KCNB2: variants seen among roughly 807,000 people sequenced by gnomAD.
The protein encoded by KCNB2 is delayed rectifier potassium channel protein.
In KCNB2, 15 loss-of-function variants were observed where a neutral mutation model predicts 61.5. The ratio of observed to expected loss-of-function variants is 0.24; its 90% CI spans 0.16 to 0.38. KCNB2 has a LOEUF of 0.38. Ranked by LOEUF, KCNB2 falls within the 10% of genes least tolerant of loss-of-function variation. KCNB2 has a pLI of 1.00. For missense variants in KCNB2, 828 were observed against 1,125.2 expected (o/e 0.74, Z 3.78); for synonymous variants, 457 against 446.0 (o/e 1.02, Z -0.31).
At chr8:72,926,820 T>C (rs982303500) in intron 2 of KCNB2, among the ~76,000 whole-genome samples, 4 of 152,288 alleles carry the variant, frequency 2.6e-5, no homozygotes, top group African/African-American at 9.6e-5. Flanking sequence ...TGCCATGGCA[T>C]TAAAAATGTA....
intron 2 of KCNB2, among the ~76,000 whole-genome samples, chr8:72,706,645 A>G (rs760576378): frequency 2.6e-5 from 4 of 152,228 alleles, no homozygotes; most frequent in African/African-American, 4.8e-5. Flanking sequence ...TGAACACTCC[A>G]TGAGTTAGGA....
intron 2 of KCNB2, among the ~76,000 whole-genome samples, chr8:72,761,383 A>G (rs1563582826): frequency 6.6e-6 from 1 of 152,206 alleles, no homozygotes; most frequent in Non-Finnish European, 1.5e-5. Context: ...AGCTTGAAAC[A>G]CATGCATTCA....
intron 2 of KCNB2, among the ~76,000 whole-genome samples, chr8:72,702,504 A>G (rs1264675043): frequency 6.6e-6 from 1 of 152,180 alleles, no homozygotes. Context: ...AAAATAGGAC[A>G]TGAAGTCAAT....
In KCNB2 at chr8:72,548,628, C is replaced by G. The variant is rs557434986; in HGVS notation, c.-94+10743C>G. 2.6e-5 allele frequency among the ~76,000 whole-genome samples: 4 copies of G among 152,282 alleles called. No homozygotes were observed. In the South Asian group the frequency reaches 8.3e-4, roughly 32 times the overall value. On this transcript the variant is annotated intron_variant, in intron 1 of 2. Coordinates refer to ENST00000523207, the MANE Select transcript of KCNB2 (RefSeq NM_004770.3). ...TTCTTCCCAATCCAAGCCTAGATAC[C>G]TAGAGGTGGTTTTAAAGTCATTGGG...
intron 2 of KCNB2, among the ~76,000 whole-genome samples, chr8:72,768,977 A>G (rs575195873): frequency 1.6e-3 from 247 of 152,208 alleles, no homozygotes; most frequent in Non-Finnish European, 2.8e-3. Flanking sequence ...CCTGACCAAC[A>G]TGGAGAAACC....
intron 2 of KCNB2, among the ~76,000 whole-genome samples, chr8:72,822,165 G>A (rs1018325769): frequency 3.3e-5 from 5 of 152,242 alleles, no homozygotes; most frequent in African/African-American, 7.2e-5. Context: ...GGAATTAGCT[G>A]TGTGTTCCTG....
At chr8:72,813,699 G>A (rs1809343931) in intron 2 of KCNB2, among the ~76,000 whole-genome samples, 1 of 152,102 alleles carries the variant, frequency 6.6e-6, no homozygotes, top group South Asian at 2.1e-4. Flanking sequence ...CAAATATAAA[G>A]TGGATAGCTT....
At chr8:72,715,510 C>G (rs1156295113) in intron 2 of KCNB2, among the ~76,000 whole-genome samples, 1 of 152,178 alleles carries the variant, frequency 6.6e-6, no homozygotes, top group Non-Finnish European at 1.5e-5. Flanking sequence ...AAGAAACTCA[C>G]TCAAAACCGC....
intron 2 of KCNB2, among the ~76,000 whole-genome samples, chr8:72,853,358 C>T (rs1810153443): frequency 6.6e-6 from 1 of 152,184 alleles, no homozygotes; most frequent in African/African-American, 2.4e-5. Flanking sequence ...GTTCAGCATG[C>T]TCCAAAGCTC....
intron 2 of KCNB2, among the ~76,000 whole-genome samples, chr8:72,607,684 C>A (rs1805474614): frequency 1.3e-5 from 2 of 152,064 alleles, no homozygotes; most frequent in African/African-American, 4.8e-5. Context: ...ATAGAAAATT[C>A]TCCTCTAGTC....
At chr8:72,643,351 A>G (rs1319350056) in intron 2 of KCNB2, among the ~76,000 whole-genome samples, 1 of 152,162 alleles carries the variant, frequency 6.6e-6, no homozygotes, top group Non-Finnish European at 1.5e-5. Flanking sequence ...AAGGTGTGAA[A>G]CTAACAAATA....
At chr8:72,662,442 T>C (rs1292888363) in intron 2 of KCNB2, among the ~76,000 whole-genome samples, 5 of 152,128 alleles carry the variant, frequency 3.3e-5, no homozygotes, top group Admixed American at 6.5e-5. Flanking sequence ...GTAATGATAA[T>C]ATCGCATGAC....
rs542555816 is a variant in KCNB2, at chr8:72,548,871, C to T, written c.-94+10986C>T. 5.9e-5 allele frequency among the ~76,000 whole-genome samples: 9 copies of T among 152,260 alleles called. No individual in the cohort carries two copies. In the South Asian group the frequency reaches 1.7e-3, roughly 28 times the overall value. On this transcript the variant is annotated intron_variant, in intron 1 of 2. Coordinates refer to ENST00000523207, the MANE Select transcript of KCNB2 (RefSeq NM_004770.3). ...TCTTAAGTGGTTATGTTGGGTTCATCTCAAAAATAGGCTTGGGTGGTTAGG... is the reference window on the plus strand; with the variant it reads ...TCTTAAGTGGTTATGTTGGGTTCATTTCAAAAATAGGCTTGGGTGGTTAGG...
At chr8:72,715,993 C>T (rs534140075) in intron 2 of KCNB2, among the ~76,000 whole-genome samples, 1 of 152,206 alleles carries the variant, frequency 6.6e-6, no homozygotes, top group South Asian at 2.1e-4. Context: ...ACCACCGATC[C>T]CACAGAAATA....
intron 1 of KCNB2, among the ~76,000 whole-genome samples, chr8:72,547,676 G>A (rs905657081): frequency 2.0e-5 from 3 of 152,214 alleles, no homozygotes; most frequent in Non-Finnish European, 4.4e-5. Context: ...GAGCAGAGAA[G>A]GAGTTGCTTC....
At chr8:72,925,888 A>G (rs1317456416) in intron 2 of KCNB2, among the ~76,000 whole-genome samples, 1 of 152,218 alleles carries the variant, frequency 6.6e-6, no homozygotes, top group Non-Finnish European at 1.5e-5. Flanking sequence ...AATGTGGTAC[A>G]TATACACCAT....
chr8:72,644,828 G>A (rs947551542), intron 2 of KCNB2, among the ~76,000 whole-genome samples: 5 of 152,072 alleles, frequency 3.3e-5, no homozygotes, highest in South Asian at 4.1e-4. Flanking sequence ...TACAAATAAC[G>A]AAACTGATAT....
At chr8:72,762,011 G>A (rs566438755) in intron 2 of KCNB2, among the ~76,000 whole-genome samples, 2 of 152,184 alleles carry the variant, frequency 1.3e-5, no homozygotes, top group South Asian at 2.1e-4. Context: ...ACAAAAATTT[G>A]TTTTAAACTG....
At chr8:72,911,369 C>T (rs1806287670) in intron 2 of KCNB2, among the ~76,000 whole-genome samples, 1 of 152,234 alleles carries the variant, frequency 6.6e-6, no homozygotes, top group South Asian at 2.1e-4. Context: ...ATGAAACAAG[C>T]TTTATTTGTC....
Sources: allele counts gnomAD v4.1 joint callset (sites outside exome capture counted in the v4.1 genomes callset), GRCh38; gene constraint gnomAD v4.1.1; transcripts MANE v1.5; gene names NCBI Gene and HGNC (gene_info 2026-07-23, HGNC 2026-07-21).